PRDM16: variants seen among roughly 807,000 people sequenced by gnomAD.
The protein encoded by PRDM16 is PR/SET domain 16.
PRDM16 carries 23 observed loss-of-function variants against 110.6 expected under a neutral mutation model. The observed-to-expected ratio is 0.21, with a 90% confidence interval of 0.15 to 0.29. The LOEUF is 0.29. Ranked by LOEUF, PRDM16 falls within the 10% of genes least tolerant of loss-of-function variation. The probability of loss-of-function intolerance (pLI) is 1.00; values close to 1 mark genes in which losing one functional copy is unlikely to be tolerated. For synonymous variants in PRDM16, 799 were observed against 781.8 expected, an observed-to-expected ratio of 1.02 and a Z score of -0.37; for missense variants, 1,615 against 1,794.3, an observed-to-expected ratio of 0.90 and a Z score of 1.81.
chr1:3,078,270 G>A (rs796341794), intron 1 of PRDM16, among the ~76,000 whole-genome samples: 1 of 152,168 alleles, frequency 6.6e-6, no homozygotes, highest in Non-Finnish European at 1.5e-5. Context: ...CATGCTAGGG[G>A]CCCACCTGGA....
Position 3,435,784 on chromosome 1 carries a change from G to A in PRDM16, c.*1973G>A, listed in dbSNP as rs1373369247. The stretch of plus-strand genomic sequence containing the variant: ...ACAATCGTCTCTGTGGGTGCCGGGT[G>A]GTCCAGGCTTGCACTGAAGACGTGC... On this transcript the variant is annotated 3_prime_UTR_variant, in exon 17 of 17. Transcript: ENST00000270722. 13 of 232,002 alleles carry A rather than the reference G, an allele frequency of 5.6e-5. No homozygotes were observed. The highest frequency in any genetic ancestry group is 4.5e-4 in the Admixed American group (8 of 17,772). The allele number at this position is 232,002 out of a possible 1,614,324, so 14.4% of individuals were successfully genotyped here. A position where few individuals can be genotyped will look rare whatever the true frequency, so the allele number is the denominator to read the frequency against.
rs376937143 is a variant in PRDM16, at chr1:3,405,479, G to A, written c.1033-16G>A. On this transcript the variant is annotated splice_polypyrimidine_tract_variant and intron_variant, in intron 7 of 16. Coordinates refer to ENST00000270722, the MANE Select transcript of PRDM16 (RefSeq NM_022114.4). ...TGTCCAGGCAGGGCACGCGCCAACG[G>A]CATCCGTCTCCCCAGGTGTTCACGG... The A allele has an allele frequency of 1.9e-6, 3 of 1,551,056 alleles. No individual in the cohort carries two copies. Among genetic ancestry groups the A allele is most frequent in the African/African-American group, 2.8e-5 (2 of 72,656 alleles).
At chr1:3,248,935 C>T (rs1639860195) in intron 3 of PRDM16, among the ~76,000 whole-genome samples, 1 of 152,160 alleles carries the variant, frequency 6.6e-6, no homozygotes, top group African/African-American at 2.4e-5. Flanking sequence ...GGCTGCTGAG[C>T]CCAGGAAGTT....
chr1:3,360,770 C>T (rs1414909626), intron 3 of PRDM16, among the ~76,000 whole-genome samples: 1 of 152,226 alleles, frequency 6.6e-6, no homozygotes, highest in African/African-American at 2.4e-5. Flanking sequence ...GCTGTGGCCA[C>T]AGCGCCCGCA....
Position 3,245,595 on chromosome 1 carries a change from C to T in PRDM16, c.438+1458C>T, listed in dbSNP as rs1041535284. On this transcript the variant is annotated intron_variant, in intron 3 of 16. Coordinates refer to ENST00000270722, the MANE Select transcript of PRDM16 (RefSeq NM_022114.4). This position sits in a 1 kb window ranked among gnomAD's most constrained non-coding sequence, Gnocchi z 4.7. ...GTCCTTTTGTCCAAGGACAAGGTGT[C>T]GGCTCTCAGTCCCCGCCGTCCACAG... 3.9e-5 allele frequency among the ~76,000 whole-genome samples: 6 copies of T among 152,162 alleles called. No homozygotes were observed. Among genetic ancestry groups the T allele is most frequent in the Non-Finnish European group, 7.4e-5 (5 of 68,024 alleles).
chr1:3,128,457 G>A (rs938536551), intron 1 of PRDM16, among the ~76,000 whole-genome samples: 3 of 152,322 alleles, frequency 2.0e-5, no homozygotes, highest in Non-Finnish European at 4.4e-5. Flanking sequence ...CACAGTAGCA[G>A]GGCATTGAAA....
At chr1:3,092,391 C>T (rs960928278) in intron 1 of PRDM16, among the ~76,000 whole-genome samples, 28 of 152,332 alleles carry the variant, frequency 1.8e-4, no homozygotes, top group African/African-American at 6.7e-4. Flanking sequence ...AAAGCCTTTT[C>T]CTCACACGTG....
intron 3 of PRDM16, among the ~76,000 whole-genome samples, chr1:3,292,205 G>A (rs573792805): frequency 3.7e-4 from 57 of 152,330 alleles, no homozygotes; most frequent in African/African-American, 9.6e-5. Flanking sequence ...GTCCAATGCC[G>A]TCGCCAGGAG....
chr1:3,130,407 A>T (rs527702875), intron 1 of PRDM16, among the ~76,000 whole-genome samples: 1 of 152,280 alleles, frequency 6.6e-6, no homozygotes, highest in East Asian at 1.9e-4. Context: ...AGGCCAGGAT[A>T]AGGAGCAAAG....
At chr1:3,159,119 G>T (rs74050139) in intron 1 of PRDM16, among the ~76,000 whole-genome samples, 6 of 152,276 alleles carry the variant, frequency 3.9e-5, no homozygotes, top group South Asian at 2.1e-4. Context: ...TCGGTATTCC[G>T]CCAGGGACAG....
chr1:3,211,451 C>T (rs1244063914), intron 2 of PRDM16, among the ~76,000 whole-genome samples: 1 of 152,210 alleles, frequency 6.6e-6, no homozygotes. Flanking sequence ...GCTGGAGATG[C>T]GGCCGTGGGT....
chr1:3,411,657 A>G lies in PRDM16; in HGVS notation c.1460A>G (p.Glu487Gly). 6.2e-7 allele frequency: 1 copy of G among 1,613,260 alleles called. No individual in the cohort carries two copies. ...AATCACGCCAGCCTGGGCTTCAACGAGTACTTTCCCTCCAGGCCGCACCCG... is the reference window on the plus strand; with the variant it reads ...AATCACGCCAGCCTGGGCTTCAACGGGTACTTTCCCTCCAGGCCGCACCCG... Reference protein sequence around the residue: ...SLNHASLGFNEYFPSRPHPGS... With the variant: ...SLNHASLGFNGYFPSRPHPGS... The change falls in exon 9 of 17, where the codon GAG (glutamate) becomes GGG (glycine). Residue 487 changes from glutamate to glycine, a missense_variant. Transcript: ENST00000270722.
rs1014181059 is a variant in PRDM16 at position 3,206,187 on chromosome 1, C to T, written c.387+19713C>T. The T allele has an allele frequency of 6.7e-6, 1 of 148,556 alleles. No individual in the cohort carries two copies. Among genetic ancestry groups the T allele is most frequent in the Non-Finnish European group, 1.5e-5 (1 of 67,596 alleles). 9.2% of individuals were successfully genotyped at this position (148,556 alleles called of 1,614,324 possible). A position where few individuals can be genotyped will look rare whatever the true frequency, so the allele number is the denominator to read the frequency against. On this transcript the variant is annotated intron_variant, in intron 2 of 16. Coordinates refer to ENST00000270722, the MANE Select transcript of PRDM16 (RefSeq NM_022114.4). This position sits in a 1 kb window ranked among gnomAD's most constrained non-coding sequence, Gnocchi z 4.9. ...TGAACCTACTCTGGGAGAACCAACA[C>T]CCCACACTAAGCCAGTGGCCCACAC...
intron 3 of PRDM16, among the ~76,000 whole-genome samples, chr1:3,332,744 C>A (rs955619116): frequency 3.9e-5 from 6 of 151,976 alleles, no homozygotes; most frequent in African/African-American, 1.5e-4. Context: ...CGCCCGTCCC[C>A]CCAGGCCCTG....
At chr1:3,116,710 G>T (rs1349543849) in intron 1 of PRDM16, among the ~76,000 whole-genome samples, 1 of 152,182 alleles carries the variant, frequency 6.6e-6, no homozygotes, top group South Asian at 2.1e-4. Flanking sequence ...TGACCTCAGA[G>T]GTCAGAAGCC....
intron 11 of PRDM16, among the ~76,000 whole-genome samples, 188 bp from the exon 12 acceptor site, chr1:3,418,479 T>C (rs910284946): frequency 5.3e-5 from 8 of 152,096 alleles, no homozygotes; most frequent in Non-Finnish European, 1.2e-4. Context: ...CTGTGGCCCA[T>C]GGCAGCCTGC....
At chr1:3,321,437 TG>T (rs1458825947) in intron 3 of PRDM16, among the ~76,000 whole-genome samples, 1 of 151,508 alleles carries the variant, frequency 6.6e-6, no homozygotes, top group Non-Finnish European at 1.5e-5. Context: ...TGGGTGCACA[TG>T]TGTTTGTGTT....
intron 2 of PRDM16, among the ~76,000 whole-genome samples, chr1:3,234,768 T>C (rs1639502481): frequency 6.6e-6 from 1 of 152,236 alleles, no homozygotes; most frequent in South Asian, 2.1e-4. Flanking sequence ...CACTGACTCA[T>C]GATTTATTAT....
At chr1:3,410,306 T>A (rs1643663338) in intron 8 of PRDM16, among the ~76,000 whole-genome samples, 2 of 151,860 alleles carry the variant, frequency 1.3e-5, no homozygotes, top group Non-Finnish European at 2.9e-5. Context: ...GGTCCTGGAG[T>A]CTAGCTGGGC....
Sources: allele counts gnomAD v4.1 joint callset (sites outside exome capture counted in the v4.1 genomes callset), GRCh38; gene constraint gnomAD v4.1.1; non-coding constraint Gnocchi (gnomAD v3.1); transcripts MANE v1.5; gene names NCBI Gene and HGNC (gene_info 2026-07-23, HGNC 2026-07-21).